Variants in TFEC observed in about 807,000 individuals in gnomAD.
TFEC encodes transcription factor EC.
A neutral mutation model predicts 41.6 loss-of-function variants in TFEC; 31 were observed. The observed-to-expected ratio is 0.74, with a 90% confidence interval of 0.56 to 1.01. TFEC has a LOEUF of 1.01. Among genes scored for constraint, TFEC ranks in the 50% least tolerant of loss-of-function variants. The pLI is 0.00. For synonymous variants in TFEC, 143 were observed against 140.6 expected (o/e 1.02, Z -0.12); for missense variants, 402 against 404.1 (o/e 0.99, Z 0.04).
chr7:116,142,818 C>A (rs1310632929), intron 1 of TFEC, among the ~76,000 whole-genome samples: 2 of 152,110 alleles, frequency 1.3e-5, no homozygotes, highest in Non-Finnish European at 2.9e-5. Flanking sequence ...ATAATAAATT[C>A]CCCATTTTTG....
At chr7:116,059,256 A>AT (rs879936589) in intron 3 of TFEC, among the ~76,000 whole-genome samples, 8 of 151,832 alleles carry the variant, frequency 5.3e-5, no homozygotes, top group African/African-American at 1.9e-4. Context: ...CAAAACTTAA[A>AT]TTTTTTTGAC....
At chr7:116,047,215 G>A (rs543372210) in intron 3 of TFEC, among the ~76,000 whole-genome samples, 3 of 152,228 alleles carry the variant, frequency 2.0e-5, no homozygotes, top group South Asian at 2.1e-4. Context: ...CACCTCACCC[G>A]GGAAGTGCAA....
intron 3 of TFEC, among the ~76,000 whole-genome samples, chr7:116,077,053 G>A (rs10953805): frequency 1 from 151,869 of 152,280 alleles, 75,732 homozygotes; most frequent in Middle Eastern, 1. Flanking sequence ...ATAAATGAAA[G>A]CCTACCAGAT....
chr7:115,985,349 G>T (rs1793804217), intron 1 of TFEC, among the ~76,000 whole-genome samples: 1 of 152,004 alleles, frequency 6.6e-6, no homozygotes, highest in African/African-American at 2.4e-5. Flanking sequence ...TTTCAAATCT[G>T]CCCTTTAAAA....
chr7:116,078,972 A>G (rs1444703503), intron 3 of TFEC, among the ~76,000 whole-genome samples: 2 of 152,086 alleles, frequency 1.3e-5, no homozygotes, highest in Non-Finnish European at 1.5e-5. Context: ...TAACAAAAAG[A>G]TAGTCCACCA....
At chr7:115,945,855 T>C (rs997642248) in intron 6 of TFEC, among the ~76,000 whole-genome samples, 1 of 151,714 alleles carries the variant, frequency 6.6e-6, no homozygotes, top group East Asian at 2.0e-4. Flanking sequence ...TTTCACTGGA[T>C]GAGGTCAAGC....
chr7:116,081,408 A>G (rs1797087308), intron 3 of TFEC, among the ~76,000 whole-genome samples: 1 of 152,074 alleles, frequency 6.6e-6, no homozygotes, highest in Non-Finnish European at 1.5e-5. Flanking sequence ...TTCCTCAACT[A>G]TATGAACTTC....
chr7:116,103,704 T>TTCATTCGGTGGCAGCTAC (rs1488496669), intron 3 of TFEC, among the ~76,000 whole-genome samples: 1 of 152,144 alleles, frequency 6.6e-6, no homozygotes, highest in Non-Finnish European at 1.5e-5. Flanking sequence ...CTAGAAATAA[T>TTCATTCGGTGGCAGCTAC]TAGTATCTAT....
intron 3 of TFEC, among the ~76,000 whole-genome samples, chr7:116,047,026 T>C (rs904833420): frequency 6.6e-6 from 1 of 152,172 alleles, no homozygotes; most frequent in African/African-American, 2.4e-5. Context: ...ACTGTTCAAA[T>C]ATAAAATAAA....
rs187269903 is a variant in TFEC at position 116,015,328 on chromosome 7, T to C, written c.-73+15305A>G. On this transcript the variant is annotated intron_variant, in intron 1 of 7. Transcript: ENST00000265440. ...TCAATCCCTCAATGTTATTAAATGC[T>C]CTAATAGTAGAAGTTATAAAGGAAA... Among the ~76,000 whole-genome samples the C allele has an allele frequency of 3.7e-3, 570 of 152,106 alleles. 3 individuals carry two copies. The highest frequency in any genetic ancestry group is 0.013 in the African/African-American group (529 of 41,516).
In TFEC at chr7:116,078,118, A is replaced by G. The variant is rs561530408; in HGVS notation, c.198+32590T>C. ...GGAATGAAATTTGAAATCAACTCCA[A>G]AAGGAACCCTCAAAACCACGCAAAT... On this transcript the variant is annotated intron_variant, in intron 3 of 8. Transcript: ENST00000484212. Among the ~76,000 whole-genome samples the G allele has an allele frequency of 2.6e-5, 4 of 152,214 alleles. No individual in the cohort carries two copies. In the East Asian group the frequency reaches 7.7e-4, roughly 29 times the overall value.
intron 3 of TFEC, among the ~76,000 whole-genome samples, chr7:116,105,780 G>T (rs530326695): frequency 6.6e-6 from 1 of 152,036 alleles, no homozygotes; most frequent in African/African-American, 2.4e-5. Flanking sequence ...GCCAAAAAGA[G>T]ACAGATTTAA....
At chr7:116,062,715 C>A (rs1796599167) in intron 3 of TFEC, among the ~76,000 whole-genome samples, 2 of 151,676 alleles carry the variant, frequency 1.3e-5, no homozygotes, top group South Asian at 4.2e-4. Context: ...ATAATGACTT[C>A]TTTTCCTCTG....
chr7:116,141,924 T>C (rs1798549680), intron 1 of TFEC, among the ~76,000 whole-genome samples: 1 of 152,162 alleles, frequency 6.6e-6, no homozygotes, highest in Non-Finnish European at 1.5e-5. Context: ...GAGGGAAAGA[T>C]ATTTGGTCAT....
intron 3 of TFEC, among the ~76,000 whole-genome samples, chr7:116,066,555 G>A (rs1287215704): frequency 6.6e-6 from 1 of 151,784 alleles, no homozygotes; most frequent in Admixed American, 6.6e-5. Context: ...ATTATCTTTG[G>A]GAGTAAAAAT....
chr7:116,103,030 G>T (rs1354688063), intron 3 of TFEC, among the ~76,000 whole-genome samples: 4 of 152,166 alleles, frequency 2.6e-5, no homozygotes, highest in African/African-American at 9.7e-5. Context: ...CTATCAATAA[G>T]ATAGGCAGGG....
At chr7:115,947,420 T>A (rs1791654025) in intron 6 of TFEC, among the ~76,000 whole-genome samples, 1 of 151,374 alleles carries the variant, frequency 6.6e-6, no homozygotes, top group Admixed American at 6.6e-5. Context: ...TTTATAGTCC[T>A]TTGGGTATAT....
intron 3 of TFEC, among the ~76,000 whole-genome samples, chr7:116,092,703 G>A (rs1355175751): frequency 6.6e-6 from 1 of 152,060 alleles, no homozygotes; most frequent in African/African-American, 2.4e-5. Context: ...TAATTTGTTT[G>A]GGCATTCTCC....
At chr7:116,078,645 A>C (rs1797016450) in intron 3 of TFEC, among the ~76,000 whole-genome samples, 1 of 152,120 alleles carries the variant, frequency 6.6e-6, no homozygotes, top group Non-Finnish European at 1.5e-5. Context: ...AAGATATAGA[A>C]GCTCTGAACA....
Sources: gnomAD v4.1 joint callset for allele counts (sites outside exome capture counted in the v4.1 genomes callset) on GRCh38, gnomAD v4.1.1 for gene constraint, MANE v1.5 for transcripts, NCBI Gene and HGNC (gene_info 2026-07-23, HGNC 2026-07-21) for gene names.